Variants in TRIM23 observed in about 807,000 individuals in gnomAD.
TRIM23 encodes the protein E3 ubiquitin-protein ligase TRIM23.
In TRIM23, 27 loss-of-function variants were observed where a neutral mutation model predicts 71.0. That is an observed-to-expected ratio of 0.38 (90% CI 0.28 to 0.52). The LOEUF (loss-of-function observed/expected upper bound fraction) is 0.52. Ranked by LOEUF, TRIM23 falls within the 20% of genes least tolerant of loss-of-function variation. TRIM23 has a pLI of 0.84. For synonymous variants in TRIM23, 234 were observed against 238.0 expected (o/e 0.98, Z 0.16); for missense variants, 482 against 692.3 (o/e 0.70, Z 3.41).
In TRIM23 at chr5:65,590,888, G is replaced by GTTCTGCGTTAC; in HGVS notation, c.*870_*880dup. 1.0e-6 allele frequency: 1 copy of GTTCTGCGTTAC among 985,280 alleles called. No individual in the cohort carries two copies. Among genetic ancestry groups the GTTCTGCGTTAC allele is most frequent in the Non-Finnish European group, 1.2e-6 (1 of 829,928 alleles). 61.0% of individuals were successfully genotyped at this position (985,280 alleles called of 1,614,324 possible). A position where few individuals can be genotyped will look rare whatever the true frequency, so the allele number is the denominator to read the frequency against. On this transcript the variant is annotated 3_prime_UTR_variant, in exon 11 of 11. Transcript: ENST00000231524. ...TAGCTTTTAAATAAAGCCAACCCTG[G>GTTCTGCGTTAC]TTCTGCGTTACTTACTACATTTTAC...
intron 1 of TRIM23, among the ~76,000 whole-genome samples, chr5:65,622,326 C>G (rs1262147397): frequency 7.2e-5 from 11 of 152,100 alleles, no homozygotes; most frequent in African/African-American, 2.7e-4. Flanking sequence ...ACCACAATGC[C>G]TGGCTACGTT....
intron 1 of TRIM23, 31 bp from the exon 2 acceptor site, chr5:65,618,286 T>C (rs999094895): frequency 1.9e-6 from 3 of 1,572,882 alleles, no homozygotes; most frequent in Middle Eastern, 1.7e-4. Context: ...ATGTGCTCTT[T>C]AAACAATTTT....
In TRIM23 at chr5:65,618,344, G is replaced by T. The variant is rs567457465; in HGVS notation, c.82-89C>A. 2.3e-5 allele frequency: 30 copies of T among 1,311,354 alleles called. No individual in the cohort carries two copies. The East Asian group carries it at 7.5e-4, about 33-fold the overall frequency. The allele number at this position is 1,311,354 out of a possible 1,614,324, so 81.2% of individuals were successfully genotyped here. A position where few individuals can be genotyped will look rare whatever the true frequency, so the allele number is the denominator to read the frequency against. ...TATAAGAAAATTCACCTAATATATTGAATCAACATTGTTACTTTATTCCTC... is the reference window on the plus strand; with the variant it reads ...TATAAGAAAATTCACCTAATATATTTAATCAACATTGTTACTTTATTCCTC... On this transcript the variant is annotated intron_variant, in intron 1 of 10. Coordinates refer to ENST00000231524, the MANE Select transcript of TRIM23 (RefSeq NM_001656.4).
intron 6 of TRIM23, 117 bp from the exon 7 acceptor site, chr5:65,605,162 G>T: frequency 2.1e-6 from 2 of 943,002 alleles, no homozygotes; most frequent in Non-Finnish European, 3.0e-6. Context: ...AAAGTTAAAT[G>T]TAAATTTGAC....
chr5:65,615,755 T>C (rs533190304), intron 2 of TRIM23, among the ~76,000 whole-genome samples: 1 of 152,248 alleles, frequency 6.6e-6, no homozygotes, highest in Non-Finnish European at 1.5e-5. Flanking sequence ...AATGAATATA[T>C]ACAAATAAAC....
intron 1 of TRIM23, among the ~76,000 whole-genome samples, chr5:65,618,539 A>C (rs1754834272): frequency 1.3e-5 from 2 of 152,198 alleles, no homozygotes; most frequent in Non-Finnish European, 1.5e-5. Flanking sequence ...TTATGATTTC[A>C]GTCATTACAT....
At position 65,624,301 on chromosome 5, in the gene TRIM23, A is replaced by T. The variant is rs1228708584; in HGVS notation, c.-27T>A. On this transcript the variant is annotated 5_prime_UTR_variant, in exon 1 of 11. Coordinates refer to ENST00000231524, the MANE Select transcript of TRIM23 (RefSeq NM_001656.4). ...CTCGCAGGGGAAGCGCCACAGAAAC[A>T]GCCTTCAGAGTCCTCAACTGAGAGG... 2.5e-6 allele frequency: 4 copies of T among 1,612,178 alleles called. No homozygotes were observed. Among genetic ancestry groups the T allele is most frequent in the Admixed American group, 3.3e-5 (2 of 59,902 alleles).
intron 9 of TRIM23, 29 bp from the exon 10 acceptor site, chr5:65,594,674 AAT>A (rs758292535): frequency 3.3e-6 from 5 of 1,528,332 alleles, no homozygotes; most frequent in South Asian, 1.3e-5. Context: ...AAAAAACAAA[AAT>A]AGTCACTTGC....
chr5:65,623,604 G>A (rs1755013315), intron 1 of TRIM23, among the ~76,000 whole-genome samples: 2 of 152,216 alleles, frequency 1.3e-5, no homozygotes, highest in South Asian at 4.1e-4. Context: ...TGACGATGCT[G>A]CAGACTTGTG....
chr5:65,611,174 T>C (rs908457751), intron 4 of TRIM23, 131 bp from the exon 5 acceptor site: 1 of 804,862 alleles, frequency 1.2e-6, no homozygotes, highest in Non-Finnish European at 1.8e-6. Context: ...AAAATACTAA[T>C]TTACTTTCAC....
At chr5:65,593,365 G>T (rs904392723) in intron 10 of TRIM23, among the ~76,000 whole-genome samples, 1 of 152,096 alleles carries the variant, frequency 6.6e-6, no homozygotes, top group Non-Finnish European at 1.5e-5. Flanking sequence ...AACCTAGGAG[G>T]GGGAGGTTGC....
intron 1 of TRIM23, among the ~76,000 whole-genome samples, chr5:65,621,835 A>T (rs71626589): frequency 0.062 from 9,304 of 149,590 alleles, 423 homozygotes; most frequent in African/African-American, 0.11. Context: ...TATTATTATT[A>T]TTTTTTTTTT....
chr5:65,607,260 T>C (rs929240538), intron 6 of TRIM23: 1 of 152,224 alleles, frequency 6.6e-6, no homozygotes, highest in Non-Finnish European at 1.5e-5. Flanking sequence ...TTGATTTTTT[T>C]GCATTAACAT....
chr5:65,608,617 CACACT>C (rs1754565682), intron 6 of TRIM23, among the ~76,000 whole-genome samples: 1 of 152,174 alleles, frequency 6.6e-6, no homozygotes, highest in Non-Finnish European at 1.5e-5. Context: ...TCTTATACCT[CACACT>C]TATGAAAACA....
chr5:65,590,764 A>G lies in TRIM23; in HGVS notation c.*1005T>C. On this transcript the variant is annotated 3_prime_UTR_variant, in exon 11 of 11. Coordinates refer to ENST00000231524, the MANE Select transcript of TRIM23 (RefSeq NM_001656.4). ...GAACAGCCTTAAGTTTTATTGTCAA[A>G]ATAAATGCACTTATTTTGGGAAACA... 1 of 985,436 alleles carries G rather than the reference A, an allele frequency of 1.0e-6. No homozygotes were observed. Among genetic ancestry groups the G allele is most frequent in the Non-Finnish European group, 1.2e-6 (1 of 829,952 alleles). 61.0% of individuals were successfully genotyped at this position (985,436 alleles called of 1,614,324 possible). A position where few individuals can be genotyped will look rare whatever the true frequency, so the allele number is the denominator to read the frequency against.
intron 7 of TRIM23, among the ~76,000 whole-genome samples, chr5:65,603,762 C>T (rs1311623577): frequency 6.6e-6 from 1 of 151,846 alleles, no homozygotes; most frequent in Non-Finnish European, 1.5e-5. Flanking sequence ...TCAGGGAGAA[C>T]CCACTTTAAA....
rs191771350 is a variant in TRIM23 at position 65,593,251 on chromosome 5, A to G, written c.1545+1270T>C. On this transcript the variant is annotated intron_variant, in intron 10 of 10. Transcript: ENST00000231524. ...GGAGTTTGAGACCAGCCTGACCAACACGATGAAACCCTGAATCTACTAAAA... is the reference window on the plus strand; with the variant it reads ...GGAGTTTGAGACCAGCCTGACCAACGCGATGAAACCCTGAATCTACTAAAA... Among the ~76,000 whole-genome samples the G allele has an allele frequency of 1.5e-3, 236 of 152,264 alleles. 1 individual carries two copies. The highest frequency in any genetic ancestry group is 5.6e-3 in the African/African-American group (231 of 41,556).
rs1198622802 is a variant in TRIM23 at position 65,591,498 on chromosome 5, A to T, written c.*271T>A. The T allele has an allele frequency of 6.4e-7, 1 of 1,574,046 alleles. No homozygotes were observed. Among genetic ancestry groups the T allele is most frequent in the Non-Finnish European group, 8.6e-7 (1 of 1,158,846 alleles). On this transcript the variant is annotated 3_prime_UTR_variant, in exon 11 of 11. Coordinates refer to ENST00000231524, the MANE Select transcript of TRIM23 (RefSeq NM_001656.4). ...CAGTATATTGGTCACATATTATCTG[A>T]AAAACTTAAATAACAAATATACTTT...
intron 2 of TRIM23, 119 bp from the exon 3 acceptor site, chr5:65,614,338 T>G (rs1364697807): frequency 1.0e-6 from 1 of 989,858 alleles, no homozygotes; most frequent in African/African-American, 1.6e-5. Flanking sequence ...TTTTTAAAAT[T>G]CAAATTTTCC....
Sources: gnomAD v4.1 joint callset for allele counts (sites outside exome capture counted in the v4.1 genomes callset) on GRCh38, gnomAD v4.1.1 for gene constraint, MANE v1.5 for transcripts, NCBI Gene and HGNC (gene_info 2026-07-23, HGNC 2026-07-21) for gene names.